Variants in NOX4 observed in about 807,000 individuals in gnomAD.
NOX4 encodes the protein kidney oxidase-1.
Under a neutral mutation model 87.6 loss-of-function variants are expected in NOX4, and 69 were observed. The ratio of observed to expected loss-of-function variants is 0.79; its 90% CI spans 0.65 to 0.96. NOX4 has a LOEUF of 0.96. NOX4 is among the 40% of genes least tolerant of loss of function. NOX4 has a pLI of 0.00. For synonymous variants in NOX4, 275 were observed against 238.2 expected, an observed-to-expected ratio of 1.15 and a Z score of -1.42; for missense variants, 680 against 681.5, an observed-to-expected ratio of 1.00 and a Z score of 0.02.
At chr11:89,415,504 G>A (rs1208899796) in intron 8 of NOX4, among the ~76,000 whole-genome samples, 2 of 151,984 alleles carry the variant, frequency 1.3e-5, no homozygotes, top group Admixed American at 6.6e-5. Context: ...TTTTTGAAAC[G>A]TTTTTGACCA....
intron 13 of NOX4, among the ~76,000 whole-genome samples, chr11:89,344,838 A>C (rs1946146847): frequency 6.6e-6 from 1 of 152,156 alleles, no homozygotes; most frequent in Admixed American, 6.5e-5. Context: ...CTAACTCCAA[A>C]GCTTAGTTTG....
the NOX4 span, among the ~76,000 whole-genome samples, chr11:89,573,411 C>A: frequency 6.6e-6 from 1 of 152,084 alleles, no homozygotes; most frequent in African/African-American, 2.4e-5. Context: ...TGGTGGCGGA[C>A]GCCTGTAGTC....
chr11:89,477,631 C>A (rs992400444), intron 2 of NOX4, among the ~76,000 whole-genome samples: 5 of 152,112 alleles, frequency 3.3e-5, no homozygotes, highest in African/African-American at 1.2e-4. Flanking sequence ...GTGTTATGAA[C>A]TGAGGTATAT....
intron 2 of NOX4, among the ~76,000 whole-genome samples, chr11:89,480,527 T>A (rs1386282631): frequency 6.6e-6 from 1 of 152,186 alleles, no homozygotes; most frequent in Non-Finnish European, 1.5e-5. Flanking sequence ...AATTATTTTA[T>A]GAGGCTGTGA....
At chr11:89,337,359 A>T (rs1460420012) in intron 16 of NOX4, 88 bp downstream of exon 16, 27 of 1,583,814 alleles carry the variant, frequency 1.7e-5, no homozygotes, top group Non-Finnish European at 2.2e-5. Context: ...TGTTCGAACC[A>T]CCTGCAGGAA....
chr11:89,465,246 G>C (rs1945627452), intron 2 of NOX4, among the ~76,000 whole-genome samples: 1 of 151,998 alleles, frequency 6.6e-6, no homozygotes, highest in Non-Finnish European at 1.5e-5. Flanking sequence ...TTGGTTTTCT[G>C]CTGTTGTGTT....
chr11:89,415,853 C>T (rs1942738058), intron 8 of NOX4, among the ~76,000 whole-genome samples: 1 of 152,128 alleles, frequency 6.6e-6, no homozygotes, highest in South Asian at 2.1e-4. Context: ...ATTTTACCCA[C>T]TGTCATGAAC....
At chr11:89,383,834 C>T (rs541776331) in intron 11 of NOX4, among the ~76,000 whole-genome samples, 12 of 152,210 alleles carry the variant, frequency 7.9e-5, no homozygotes, top group African/African-American at 2.9e-4. Context: ...TTCAAAGCCT[C>T]CTTTACATCC....
At chr11:89,369,463 C>T (rs1192886998) in intron 12 of NOX4, among the ~76,000 whole-genome samples, 1 of 152,072 alleles carries the variant, frequency 6.6e-6, no homozygotes, top group East Asian at 1.9e-4. Flanking sequence ...AATGCTGTAT[C>T]TCCAGTGACT....
At chr11:89,549,212 G>T in the NOX4 span, among the ~76,000 whole-genome samples, 1 of 152,082 alleles carries the variant, frequency 6.6e-6, no homozygotes, top group Non-Finnish European at 1.5e-5. Flanking sequence ...TATAAAAAAT[G>T]TCACTGTGTG....
At chr11:89,534,177 GC>G in the NOX4 span, 4 of 152,196 alleles carry the variant, frequency 2.6e-5, no homozygotes, top group Non-Finnish European at 5.9e-5. Context: ...CTGAAGAATG[GC>G]TTTTGTTGTG....
intron 2 of NOX4, among the ~76,000 whole-genome samples, chr11:89,481,430 T>C (rs1203941596): frequency 6.6e-6 from 1 of 152,036 alleles, no homozygotes; most frequent in African/African-American, 2.4e-5. Context: ...CATTTTCTCA[T>C]GTTGTCCTTC....
At chr11:89,337,955 G>A (rs192782624) in intron 15 of NOX4, among the ~76,000 whole-genome samples, 9 of 152,064 alleles carry the variant, frequency 5.9e-5, no homozygotes, top group African/African-American at 2.2e-4. Flanking sequence ...AAAACAAATA[G>A]ACACTTTTTC....
At chr11:89,372,011 G>A (rs1188431881) in intron 12 of NOX4, among the ~76,000 whole-genome samples, 1 of 151,474 alleles carries the variant, frequency 6.6e-6, no homozygotes, top group East Asian at 1.9e-4. Flanking sequence ...TTAACTCTAT[G>A]AAATAACCTC....
At position 89,355,908 on chromosome 11, in the gene NOX4, C is replaced by A. The variant is rs1938009804; in HGVS notation, c.1136-865G>T. Reference sequence around the variant, plus strand: ...AACATAAATGGAAGCAGCTCAGTTGCTCATTGACATGAGAGAATGGACATT... The same window carrying A: ...AACATAAATGGAAGCAGCTCAGTTGATCATTGACATGAGAGAATGGACATT... On this transcript the variant is annotated intron_variant, in intron 12 of 17. Transcript: ENST00000263317. Among the ~76,000 whole-genome samples the A allele has an allele frequency of 4.6e-5, 7 of 152,192 alleles. No individual in the cohort carries two copies. The South Asian group carries it at 1.5e-3, about 32-fold the overall frequency.
intron 2 of NOX4, among the ~76,000 whole-genome samples, chr11:89,477,076 TG>T (rs1190792818): frequency 1.3e-5 from 2 of 152,142 alleles, no homozygotes; most frequent in African/African-American, 2.4e-5. Flanking sequence ...GTGGTGGTTT[TG>T]GGATGATTCA....
intron 12 of NOX4, among the ~76,000 whole-genome samples, chr11:89,370,695 T>C (rs943743555): frequency 6.6e-6 from 1 of 152,056 alleles, no homozygotes; most frequent in African/African-American, 2.4e-5. Context: ...CACTGAATCA[T>C]GTCTAAAATG....
chr11:89,567,410 C>A, the NOX4 span, among the ~76,000 whole-genome samples: 31 of 152,274 alleles, frequency 2.0e-4, no homozygotes, highest in Admixed American at 7.2e-4. Flanking sequence ...CCTCTCACAA[C>A]CCCAGTCTAT....
At chr11:89,451,360 A>C (rs16913277) in intron 3 of NOX4, among the ~76,000 whole-genome samples, 3,389 of 152,220 alleles carry the variant, frequency 0.022, 130 homozygotes, top group African/African-American at 0.078. Flanking sequence ...GATTTAGCTA[A>C]GTGAAAATAC....
Sources: allele counts gnomAD v4.1 joint callset (sites outside exome capture counted in the v4.1 genomes callset), GRCh38; gene constraint gnomAD v4.1.1; transcripts MANE v1.5; gene names NCBI Gene and HGNC (gene_info 2026-07-23, HGNC 2026-07-21).